The following GRID2 variants were observed in gnomAD, a reference collection of about 807,000 sequenced individuals.
GRID2 encodes glutamate ionotropic receptor delta type subunit 2.
A neutral mutation model predicts 114.8 loss-of-function variants in GRID2; 33 were observed. That is an observed-to-expected ratio of 0.29 (90% confidence interval 0.22 to 0.38). The LOEUF is 0.38. Ranked by LOEUF, GRID2 falls within the 10% of genes least tolerant of loss-of-function variation. GRID2 has a pLI of 1.00. For missense variants in GRID2, 1,184 were observed against 1,257.7 expected (o/e 0.94, Z 0.89); for synonymous variants, 505 against 449.9 (o/e 1.12, Z -1.55).
intron 8 of GRID2, among the ~76,000 whole-genome samples, chr4:93,293,857 AC>A (rs1754005284): frequency 6.6e-6 from 1 of 152,166 alleles, no homozygotes; most frequent in South Asian, 2.1e-4. Flanking sequence ...ACTGTACTAG[AC>A]CCCAAATGAT....
At chr4:93,570,902 A>G (rs1267201508) in intron 13 of GRID2, among the ~76,000 whole-genome samples, 1 of 152,116 alleles carries the variant, frequency 6.6e-6, no homozygotes, top group Non-Finnish European at 1.5e-5. Context: ...TGGATTTACA[A>G]AATGGTAAAT....
At chr4:92,642,337 A>G (rs1045002196) in intron 2 of GRID2, among the ~76,000 whole-genome samples, 1 of 151,808 alleles carries the variant, frequency 6.6e-6, no homozygotes, top group Non-Finnish European at 1.5e-5. Flanking sequence ...AGCCATTCTG[A>G]CTGGTGTGAG....
intron 2 of GRID2, among the ~76,000 whole-genome samples, chr4:93,027,187 G>T (rs1385849517): frequency 2.0e-5 from 3 of 151,982 alleles, no homozygotes; most frequent in Non-Finnish European, 2.9e-5. Flanking sequence ...CTCTTTGGCT[G>T]CTATTTATAT....
chr4:93,730,565 C>G (rs536450640), intron 14 of GRID2, among the ~76,000 whole-genome samples: 22 of 152,344 alleles, frequency 1.4e-4, no homozygotes, highest in African/African-American at 5.3e-4. Context: ...TGGCTCCCCC[C>G]AATCCCATTG....
chr4:92,465,150 G>A (rs1304552706), intron 1 of GRID2, among the ~76,000 whole-genome samples: 11 of 151,972 alleles, frequency 7.2e-5, no homozygotes, highest in Admixed American at 7.2e-4. Context: ...TCAGGTATGT[G>A]TTTATAGCAG....
At chr4:92,519,037 G>T (rs1453931872) in intron 1 of GRID2, among the ~76,000 whole-genome samples, 1 of 151,734 alleles carries the variant, frequency 6.6e-6, no homozygotes, top group African/African-American at 2.4e-5. Flanking sequence ...ACCCCAAATT[G>T]AAGACAAACT....
At chr4:93,500,980 G>A (rs978243539) in intron 12 of GRID2, among the ~76,000 whole-genome samples, 2 of 151,858 alleles carry the variant, frequency 1.3e-5, no homozygotes, top group Non-Finnish European at 2.9e-5. Context: ...TATTCTACTT[G>A]TTTTACTTCC....
In GRID2 at chr4:93,723,067, T is replaced by C. The variant is rs1397196686; in HGVS notation, c.2361-46143T>C. ...TTCTCTTTGTCTGATATGACTTTCATCAATTGGATAGGGTAAGCTTCAACA... is the reference window on the plus strand; with the variant it reads ...TTCTCTTTGTCTGATATGACTTTCACCAATTGGATAGGGTAAGCTTCAACA... On this transcript the variant is annotated intron_variant, in intron 14 of 15. Coordinates refer to ENST00000282020, the MANE Select transcript of GRID2 (RefSeq NM_001510.4). 2.0e-5 allele frequency among the ~76,000 whole-genome samples: 3 copies of C among 152,218 alleles called. No homozygotes were observed. The East Asian group carries it at 5.8e-4, about 29-fold the overall frequency.
chr4:93,435,186 C>A (rs530538456), intron 10 of GRID2, among the ~76,000 whole-genome samples: 1 of 152,226 alleles, frequency 6.6e-6, no homozygotes, highest in South Asian at 2.1e-4. Flanking sequence ...TGGTTTACTA[C>A]TGAAGCCTCA....
intron 2 of GRID2, among the ~76,000 whole-genome samples, chr4:92,628,403 G>C (rs1261003270): frequency 6.6e-6 from 1 of 151,510 alleles, no homozygotes. Context: ...ACTGAGTCTG[G>C]ACTGGAGTGC....
chr4:92,562,944 A>G (rs1349318977), intron 1 of GRID2, among the ~76,000 whole-genome samples: 2 of 152,142 alleles, frequency 1.3e-5, no homozygotes, highest in East Asian at 1.9e-4. Flanking sequence ...TTACAGTCTT[A>G]TATTTATCAA....
chr4:92,518,047 C>T (rs1164138284), intron 1 of GRID2, among the ~76,000 whole-genome samples: 1 of 151,832 alleles, frequency 6.6e-6, no homozygotes, highest in East Asian at 1.9e-4. Flanking sequence ...TGAACAATAA[C>T]TACTTTTCCC....
At chr4:92,498,623 A>G (rs1277456106) in intron 1 of GRID2, among the ~76,000 whole-genome samples, 1 of 151,928 alleles carries the variant, frequency 6.6e-6, no homozygotes, top group Non-Finnish European at 1.5e-5. Flanking sequence ...TGAATGGACT[A>G]GGAATAAATA....
At chr4:92,574,783 C>T (rs6851220) in intron 1 of GRID2, among the ~76,000 whole-genome samples, 12,868 of 152,080 alleles carry the variant, frequency 0.085, 642 homozygotes, top group African/African-American at 0.13. Context: ...CTTGGAGAAT[C>T]TGATGATTAT....
chr4:92,325,052 T>C (rs2110133273), intron 1 of GRID2, among the ~76,000 whole-genome samples: 1 of 152,050 alleles, frequency 6.6e-6, no homozygotes, highest in African/African-American at 2.4e-5. Flanking sequence ...TGCTGTAATA[T>C]ATATACAGTA....
intron 1 of GRID2, among the ~76,000 whole-genome samples, chr4:92,546,435 A>C (rs559438991): frequency 6.6e-6 from 1 of 152,206 alleles, no homozygotes; most frequent in Non-Finnish European, 1.5e-5. Context: ...GAAAGCTAGC[A>C]CTATGACATT....
chr4:93,264,911 T>C (rs1750648410), intron 8 of GRID2, among the ~76,000 whole-genome samples: 1 of 151,476 alleles, frequency 6.6e-6, no homozygotes, highest in Non-Finnish European at 1.5e-5. Flanking sequence ...GCCTCTCAAG[T>C]AACTGGGACT....
chr4:93,186,851 T>C (rs1740471795), intron 4 of GRID2, among the ~76,000 whole-genome samples: 1 of 152,164 alleles, frequency 6.6e-6, no homozygotes, highest in Non-Finnish European at 1.5e-5. Flanking sequence ...TGGGTTGCTA[T>C]AATAAAAATA....
intron 13 of GRID2, among the ~76,000 whole-genome samples, chr4:93,614,143 T>G (rs977616201): frequency 6.6e-6 from 1 of 152,224 alleles, no homozygotes; most frequent in African/African-American, 2.4e-5. Context: ...GCTTCCCAGG[T>G]GAGGCAATGC....
Sources: allele counts gnomAD v4.1 joint callset (sites outside exome capture counted in the v4.1 genomes callset), GRCh38; gene constraint gnomAD v4.1.1; transcripts MANE v1.5; gene names NCBI Gene and HGNC (gene_info 2026-07-23, HGNC 2026-07-21).